Variants in GLYATL2 observed in about 807,000 individuals in gnomAD.
GLYATL2 encodes glycine N-acyltransferase-like protein 2.
A neutral mutation model predicts 21.4 loss-of-function variants in GLYATL2; 25 were observed. The observed-to-expected ratio is 1.17, with a 90% CI of 0.85 to 1.63. The LOEUF (loss-of-function observed/expected upper bound fraction) is 1.63. Among genes scored for constraint, GLYATL2 ranks in the 40% most tolerant of loss-of-function variants. GLYATL2 has a pLI of 0.00. For missense variants in GLYATL2, 361 were observed against 343.3 expected, an observed-to-expected ratio of 1.05 and a Z score of -0.41; for synonymous variants, 114 against 118.2, an observed-to-expected ratio of 0.96 and a Z score of 0.23.
intron 1 of GLYATL2, among the ~76,000 whole-genome samples, chr11:58,858,626 C>G (rs1853875758): frequency 6.6e-6 from 1 of 152,126 alleles, no homozygotes; most frequent in African/African-American, 2.4e-5. Flanking sequence ...TGAAGACCAG[C>G]TTTTAAATTT....
At chr11:58,839,941 T>C (rs1248012483) in intron 1 of GLYATL2, among the ~76,000 whole-genome samples, 2 of 152,166 alleles carry the variant, frequency 1.3e-5, no homozygotes, top group Non-Finnish European at 2.9e-5. Flanking sequence ...TAAAAGAATA[T>C]GGAGAGTGAA....
chr11:58,878,912 G>C (rs1181230157), intron 1 of GLYATL2, among the ~76,000 whole-genome samples: 1 of 152,158 alleles, frequency 6.6e-6, no homozygotes, highest in Non-Finnish European at 1.5e-5. Context: ...CCTCAGTAAA[G>C]TCCCTTTTGG....
At chr11:58,836,298 T>G (rs1308205859) in intron 5 of GLYATL2, among the ~76,000 whole-genome samples, 1 of 152,208 alleles carries the variant, frequency 6.6e-6, no homozygotes, top group Non-Finnish European at 1.5e-5. Flanking sequence ...TTCATTCTTT[T>G]TAATGGCTGC....
chr11:58,867,027 C>T (rs1418798937), intron 1 of GLYATL2, among the ~76,000 whole-genome samples: 1 of 148,800 alleles, frequency 6.7e-6, no homozygotes, highest in African/African-American at 2.4e-5. Flanking sequence ...AGGCCCTTGA[C>T]ACATTGTGAG....
intron 1 of GLYATL2, among the ~76,000 whole-genome samples, chr11:58,902,367 A>G (rs1013866895): frequency 6.6e-6 from 1 of 152,158 alleles, no homozygotes; most frequent in Non-Finnish European, 1.5e-5. Context: ...ACATCCAGAC[A>G]GTTCCACTCT....
Position 58,876,059 on chromosome 11 carries a change from C to A in GLYATL2, n.60+28097G>T, listed in dbSNP as rs188752462. Among the ~76,000 whole-genome samples the A allele has an allele frequency of 3.3e-4, 50 of 152,254 alleles. No homozygotes were observed. In the East Asian group the frequency reaches 9.1e-3, roughly 28 times the overall value. The stretch of plus-strand genomic sequence containing the variant: ...TTCATTTCATCTTCCATCACTGATA[C>A]CCTTTCTTCCAGTTGATCGCATCGG... On this transcript the variant is annotated intron_variant and non_coding_transcript_variant, in intron 1 of 4. Coordinates refer to the GLYATL2 transcript ENST00000533636.
intron 1 of GLYATL2, among the ~76,000 whole-genome samples, chr11:58,858,316 C>T (rs1308933517): frequency 6.6e-6 from 1 of 152,118 alleles, no homozygotes; most frequent in Admixed American, 6.5e-5. Flanking sequence ...CTTAGGGAAC[C>T]CCTTTATTCA....
At position 58,837,274 on chromosome 11, in the gene GLYATL2, G is replaced by A. The variant is rs554385414; in HGVS notation, c.310C>T (p.Gln104Ter). Reference sequence around the variant, plus strand: ...TCTTTTAACTCAGACTAGTTACCTTGGATCTGCAAAGTTTGCTCCCAGCTG... The same window carrying A: ...TCTTTTAACTCAGACTAGTTACCTTAGATCTGCAAAGTTTGCTCCCAGCTG... ...VISWEQTLQIQGCQEGLDEAI... is the reference protein window; with the variant it reads ...VISWEQTLQI Residue 104 changes from glutamine to a stop codon, truncating the protein, a stop_gained, in exon 4 of 6, where the codon CAA becomes TAA. Transcript: ENST00000287275. LOFTEE classifies it high-confidence loss of function. 6.2e-7 allele frequency: 1 copy of A among 1,613,780 alleles called. No individual in the cohort carries two copies. Among genetic ancestry groups the A allele is most frequent in the Admixed American group, 1.7e-5 (1 of 60,010 alleles).
intron 1 of GLYATL2, chr11:58,840,836 C>T (rs1853535194): frequency 2.5e-5 from 1 of 39,846 alleles, no homozygotes; most frequent in Non-Finnish European, 6.4e-5. Flanking sequence ...GAGACTCTAT[C>T]TCAAAAAATA....
At position 58,834,384 on chromosome 11, in the gene GLYATL2, GT is replaced by G. The variant is rs200592428; in HGVS notation, c.*44del. 0.013 allele frequency: 19,723 copies of G among 1,475,398 alleles called. 178 individuals are homozygous for G. Among genetic ancestry groups the G allele is most frequent in the Non-Finnish European group, 0.015 (16,320 of 1,095,078 alleles). The allele number at this position is 1,475,398 out of a possible 1,614,324, so 91.4% of individuals were successfully genotyped here. A position where few individuals can be genotyped will look rare whatever the true frequency, so the allele number is the denominator to read the frequency against. Reference sequence around the variant, plus strand: ...TCACAATGCTTGTGTTTGAATTAATGTTTTTTTACTGATAAGAAAGATTTGA... The same window carrying G: ...TCACAATGCTTGTGTTTGAATTAATGTTTTTTACTGATAAGAAAGATTTGA... On this transcript the variant is annotated 3_prime_UTR_variant, in exon 6 of 6. Coordinates refer to ENST00000287275, the MANE Select transcript of GLYATL2 (RefSeq NM_145016.4).
chr11:58,902,915 T>G (rs963138115), intron 1 of GLYATL2, among the ~76,000 whole-genome samples: 3 of 152,202 alleles, frequency 2.0e-5, no homozygotes, highest in African/African-American at 7.2e-5. Flanking sequence ...ACCCTGTCAC[T>G]GATATCAAAT....
chr11:58,898,456 T>C (rs1315991553), intron 1 of GLYATL2, among the ~76,000 whole-genome samples: 4 of 149,816 alleles, frequency 2.7e-5, no homozygotes, highest in Admixed American at 6.8e-5. Context: ...ATTGGCCAGA[T>C]TGTTTTTAAC....
At chr11:58,881,763 G>C (rs764724760) in intron 1 of GLYATL2, among the ~76,000 whole-genome samples, 1 of 152,074 alleles carries the variant, frequency 6.6e-6, no homozygotes, top group African/African-American at 2.4e-5. Context: ...ACAGGCCCCA[G>C]TGTGTGATGT....
intron 1 of GLYATL2, among the ~76,000 whole-genome samples, chr11:58,890,060 G>GAGCAT (rs1854513902): frequency 6.6e-6 from 1 of 151,990 alleles, no homozygotes; most frequent in Non-Finnish European, 1.5e-5. Context: ...CCCTGGTAGT[G>GAGCAT]AGCATATACC....
At chr11:58,874,319 GC>G in intron 1 of GLYATL2, among the ~76,000 whole-genome samples, 1 of 152,068 alleles carries the variant, frequency 6.6e-6, no homozygotes, top group East Asian at 1.9e-4. Context: ...GTTATTTCTT[GC>G]CTTCTGCTAG....
intron 1 of GLYATL2, among the ~76,000 whole-genome samples, chr11:58,842,519 T>TGTGTGTGTGTGTGTGTGC (rs1491170226): frequency 7.5e-6 from 1 of 133,832 alleles, no homozygotes; most frequent in Admixed American, 7.6e-5. Flanking sequence ...TGTGTGTGTG[T>TGTGTGTGTGTGTGTGTGC]GCGCCCTGTG....
intron 1 of GLYATL2, among the ~76,000 whole-genome samples, chr11:58,878,646 G>T (rs1291292739): frequency 6.6e-6 from 1 of 152,146 alleles, no homozygotes; most frequent in Non-Finnish European, 1.5e-5. Flanking sequence ...AGGGATTTTG[G>T]TGTACCCCTT....
chr11:58,836,229 T>G (rs937028491), intron 5 of GLYATL2, among the ~76,000 whole-genome samples: 1 of 151,168 alleles, frequency 6.6e-6, no homozygotes, highest in Non-Finnish European at 1.5e-5. Flanking sequence ...ATCCACCTTA[T>G]TTTTTTTCAT....
At chr11:58,885,440 G>T (rs1854419567) in intron 1 of GLYATL2, 1 of 492,604 alleles carries the variant, frequency 2.0e-6, no homozygotes, top group Non-Finnish European at 4.1e-6. Context: ...TCATATATAT[G>T]GCTGTGTGTA....
Sources: allele counts gnomAD v4.1 joint callset (sites outside exome capture counted in the v4.1 genomes callset), GRCh38; gene constraint gnomAD v4.1.1; transcripts MANE v1.5; gene names NCBI Gene and HGNC (gene_info 2026-07-23, HGNC 2026-07-21).